JHY: variants seen among roughly 807,000 people sequenced by gnomAD.
JHY encodes jhy protein homolog.
JHY carries 69 observed loss-of-function variants against 78.0 expected under a neutral mutation model. The observed-to-expected ratio is 0.88, with a 90% CI of 0.73 to 1.08. The LOEUF is 1.08. Among genes scored for constraint, JHY ranks in the 50% least tolerant of loss-of-function variants. JHY has a pLI of 0.00. For missense variants in JHY, 944 were observed against 927.8 expected (o/e 1.02, Z -0.23); for synonymous variants, 368 against 342.6 (o/e 1.07, Z -0.82).
At chr11:122,920,470 A>G (rs1209910168) in intron 3 of JHY, among the ~76,000 whole-genome samples, 1 of 152,208 alleles carries the variant, frequency 6.6e-6, no homozygotes, top group Non-Finnish European at 1.5e-5. Flanking sequence ...TGATTGCAGA[A>G]CTTAACGGTA....
rs775080477 is a variant in JHY at position 122,904,340 on chromosome 11, C to T, written c.760C>T (p.His254Tyr). 1 of 1,614,110 alleles carries T rather than the reference C, an allele frequency of 6.2e-7. No homozygotes were observed. The highest frequency in any genetic ancestry group is 1.1e-5 in the South Asian group (1 of 91,082). ...CCCTCGGCGAAGGAAATCCAAACAACATTTTGTGGAAAAAAACAAGCTCAC... is the reference window on the plus strand; with the variant it reads ...CCCTCGGCGAAGGAAATCCAAACAATATTTTGTGGAAAAAAACAAGCTCAC... ...RGPRRRKSKQHFVEKNKLTLG... is the reference protein window; with the variant it reads ...RGPRRRKSKQYFVEKNKLTLG... Residue 254 changes from histidine to tyrosine, a missense_variant, in exon 3 of 9, where the codon CAT (histidine) becomes TAT (tyrosine). Transcript: ENST00000227349.
intron 3 of JHY, among the ~76,000 whole-genome samples, chr11:122,909,241 C>T (rs557575347): frequency 1.8e-4 from 27 of 152,236 alleles, no homozygotes; most frequent in East Asian, 9.6e-4. Context: ...GCAAAAAATA[C>T]GGTCAAGCTG....
chr11:122,896,493 G>A (rs528636860), intron 2 of JHY, among the ~76,000 whole-genome samples: 2 of 151,852 alleles, frequency 1.3e-5, no homozygotes, highest in Admixed American at 6.6e-5. Flanking sequence ...AAGTACTTAC[G>A]TTTCTTAATC....
At chr11:122,922,651 A>G (rs1244185991) in intron 3 of JHY, among the ~76,000 whole-genome samples, 2 of 151,986 alleles carry the variant, frequency 1.3e-5, no homozygotes, top group Non-Finnish European at 2.9e-5. Context: ...TCTACTAAAA[A>G]TACAAAAAAT....
chr11:122,922,075 A>T (rs548252848), intron 3 of JHY, among the ~76,000 whole-genome samples: 1 of 152,298 alleles, frequency 6.6e-6, no homozygotes, highest in South Asian at 2.1e-4. Context: ...GAAGTTTTCC[A>T]TTTGCCATGT....
intron 3 of JHY, among the ~76,000 whole-genome samples, chr11:122,908,474 A>G (rs558216101): frequency 3.5e-4 from 54 of 152,190 alleles, no homozygotes; most frequent in Non-Finnish European, 6.3e-4. Flanking sequence ...TGCATTTCTG[A>G]CAAGTTCCCA....
Position 122,935,083 on chromosome 11 carries a change from T to C in JHY, c.1634+8T>C. 2 of 1,550,732 alleles carry C rather than the reference T, an allele frequency of 1.3e-6. No individual in the cohort carries two copies. Among genetic ancestry groups the C allele is most frequent in the South Asian group, 2.5e-5 (2 of 79,410 alleles). ...GAACTTAGAAATGTTATGGTAAGAA[T>C]TCCCTTTTCTCAAGTGGTTTTCTAG... is the stretch of plus-strand genomic sequence containing the variant. On this transcript the variant is annotated splice_region_variant and intron_variant, in intron 5 of 8. Coordinates refer to ENST00000227349, the MANE Select transcript of JHY (RefSeq NM_024806.4). The surrounding 1 kb of genome is among the most constrained non-coding windows in gnomAD (Gnocchi z 4.5).
chr11:122,929,971 GA>G (rs559837337), intron 4 of JHY, among the ~76,000 whole-genome samples: 1 of 152,228 alleles, frequency 6.6e-6, no homozygotes, highest in South Asian at 2.1e-4. Flanking sequence ...TGGGGAGAAG[GA>G]ACGCTCTATG....
Position 122,960,735 on chromosome 11 carries a change from C to A in JHY, c.*1290C>A. On this transcript the variant is annotated 3_prime_UTR_variant, in exon 9 of 9. Transcript: ENST00000227349. ...ACTCAATGAGCAAAACATTGCCCAA[C>A]TAGAAGAGGTGAAGCAGGCTTCCAT... The A allele has an allele frequency of 2.2e-6, 1 of 451,576 alleles. No homozygotes were observed. Among genetic ancestry groups the A allele is most frequent in the East Asian group, 4.2e-5 (1 of 23,536 alleles). The allele number at this position is 451,576 out of a possible 1,614,324, so 28.0% of individuals were successfully genotyped here. A position where few individuals can be genotyped will look rare whatever the true frequency, so the allele number is the denominator to read the frequency against.
At chr11:122,944,372 T>C (rs1863926314) in intron 5 of JHY, among the ~76,000 whole-genome samples, 1 of 152,220 alleles carries the variant, frequency 6.6e-6, no homozygotes, top group African/African-American at 2.4e-5. Flanking sequence ...CTTCTACTGA[T>C]TTGCAAATAT....
intron 3 of JHY, among the ~76,000 whole-genome samples, chr11:122,919,870 C>T (rs981383738): frequency 1.3e-5 from 2 of 152,068 alleles, no homozygotes; most frequent in Non-Finnish European, 2.9e-5. Context: ...TCTCACTGAA[C>T]ATGTATGTGC....
chr11:122,885,724 A>G, intron 1 of JHY, 37 bp from the exon 2 acceptor site: 1 of 676,150 alleles, frequency 1.5e-6, no homozygotes, highest in South Asian at 2.1e-5. Context: ...TTGAGATTTT[A>G]GTGGTCGCAG....
intron 5 of JHY, among the ~76,000 whole-genome samples, chr11:122,942,165 C>T (rs1863887454): frequency 6.6e-6 from 1 of 152,168 alleles, no homozygotes; most frequent in Non-Finnish European, 1.5e-5. Context: ...AGCCACCGCA[C>T]CTGGCCAGAA....
chr11:122,926,762 T>G (rs1863516818), intron 4 of JHY, among the ~76,000 whole-genome samples: 1 of 152,236 alleles, frequency 6.6e-6, no homozygotes, highest in Non-Finnish European at 1.5e-5. Flanking sequence ...GGCCTCAGCC[T>G]GCCATTTACT....
chr11:122,960,771 C>A lies in JHY; in HGVS notation c.*1326C>A. The A allele has an allele frequency of 2.0e-6, 1 of 488,634 alleles. No homozygotes were observed. The highest frequency in any genetic ancestry group is 4.1e-6 in the Non-Finnish European group (1 of 246,310). 30.3% of individuals were successfully genotyped at this position (488,634 alleles called of 1,614,324 possible). On this transcript the variant is annotated 3_prime_UTR_variant, in exon 9 of 9. Transcript: ENST00000227349. Reference sequence around the variant, plus strand: ...GAAGCAGGCTTCCATCAAACAAATCCAGGATGCAATTGATTTGGAGAAGTC... The same window carrying A: ...GAAGCAGGCTTCCATCAAACAAATCAAGGATGCAATTGATTTGGAGAAGTC...
In JHY at chr11:122,898,689, C is replaced by G. The variant is rs144049069; in HGVS notation, c.345-5236C>G. On this transcript the variant is annotated intron_variant, in intron 2 of 8. Coordinates refer to ENST00000227349, the MANE Select transcript of JHY (RefSeq NM_024806.4). The surrounding 1 kb of genome is among the most constrained non-coding windows in gnomAD (Gnocchi z 4.4). ...TTTTCCAAAAAGGACTTCATAGCCT[C>G]TGTAGATAATCCCTTCCAGAAAGTC... Among the ~76,000 whole-genome samples the G allele has an allele frequency of 1.1e-3, 164 of 152,344 alleles. No homozygotes were observed. Among genetic ancestry groups the G allele is most frequent in the African/African-American group, 3.6e-3 (150 of 41,588 alleles).
chr11:122,946,970 C>A, intron 6 of JHY, 178 bp downstream of exon 6: 1 of 638,266 alleles, frequency 1.6e-6, no homozygotes, highest in Non-Finnish European at 2.5e-6. Flanking sequence ...GGTTTCCCTC[C>A]CCTTCTTAAT....
chr11:122,946,140 G>C (rs955678142), intron 5 of JHY, among the ~76,000 whole-genome samples: 2 of 152,176 alleles, frequency 1.3e-5, no homozygotes, highest in African/African-American at 4.8e-5. Flanking sequence ...TTGGTCTTTA[G>C]AGATTTCTGT....
At chr11:122,931,514 A>C (rs1245900285) in intron 4 of JHY, among the ~76,000 whole-genome samples, 1 of 152,202 alleles carries the variant, frequency 6.6e-6, no homozygotes, top group Non-Finnish European at 1.5e-5. Flanking sequence ...AGAGCCAATT[A>C]ATATTTTTGC....
Sources: gnomAD v4.1 joint callset for allele counts (sites outside exome capture counted in the v4.1 genomes callset) on GRCh38, gnomAD v4.1.1 for gene constraint, Gnocchi (gnomAD v3.1) non-coding constraint, MANE v1.5 for transcripts, NCBI Gene and HGNC (gene_info 2026-07-23, HGNC 2026-07-21) for gene names.